CPNE9: variants seen among roughly 807,000 people sequenced by gnomAD.
CPNE9 encodes copine-9.
CPNE9 carries 59 observed loss-of-function variants against 83.0 expected under a neutral mutation model. That is an observed-to-expected ratio of 0.71 (90% CI 0.58 to 0.88). The LOEUF is 0.88. Among genes scored for constraint, CPNE9 ranks in the 40% least tolerant of loss-of-function variants. The pLI is 0.00. For missense variants in CPNE9, 619 were observed against 720.8 expected (o/e 0.86, Z 1.62); for synonymous variants, 256 against 273.4 (o/e 0.94, Z 0.63).
chr3:9,717,007 A>T, intron 14 of CPNE9, 51 bp from the exon 15 acceptor site: 3 of 1,572,442 alleles, frequency 1.9e-6, no homozygotes, highest in Non-Finnish European at 1.8e-6. Context: ...AGAAATAGTG[A>T]TGTAATAATC....
In CPNE9 at chr3:9,712,792, C is replaced by A; in HGVS notation, c.509C>A (p.Pro170His). Reference protein sequence around the residue: ...DKKDFFGKSDPFLVFYRSNED... With the variant: ...DKKDFFGKSDHFLVFYRSNED... ...AAGGACTTCTTTGGGAAATCAGACC[C>A]CTTCCTTGTGTTCTACAGGAGCAAT... Residue 170 changes from proline to histidine, a missense_variant, in exon 9 of 21, where the codon CCC (proline) becomes CAC (histidine). By Grantham distance (77) the Pro-to-His change is moderately conservative. Transcript: ENST00000383832. 1 of 1,614,162 alleles carries A rather than the reference C, an allele frequency of 6.2e-7. No homozygotes were observed. The highest frequency in any genetic ancestry group is 8.5e-7 in the Non-Finnish European group (1 of 1,180,038).
In CPNE9 at chr3:9,729,688, C is replaced by T. The variant is rs1189887209; in HGVS notation, c.1658C>T (p.Pro553Leu). The change falls in exon 21 of 21, where the codon CCC (proline) becomes CTC (leucine). Residue 553 changes from proline (P) to leucine (L), a missense_variant. Pro to Leu is a moderately conservative substitution (Grantham distance 98). This residue lies in a region of CPNE9 where 51 missense variants were observed against 40.4 expected (regional missense o/e 1.26). Coordinates refer to ENST00000383832, the MANE Select transcript of CPNE9 (RefSeq NM_153635.3). Reference protein sequence around the residue: ...NPSPIPAPEQP With the variant: ...NPSPIPAPEQL ...AGCCCGATCCCAGCTCCAGAGCAGC[C>T]CTGAGGATTCCACATATCCAATGCC... 6.2e-7 allele frequency: 1 copy of T among 1,611,574 alleles called. No individual in the cohort carries two copies. Among genetic ancestry groups the T allele is most frequent in the East Asian group, 2.2e-5 (1 of 44,822 alleles).
chr3:9,726,865 A>C, intron 19 of CPNE9, 143 bp downstream of exon 19: 1 of 815,614 alleles, frequency 1.2e-6, no homozygotes, highest in Non-Finnish European at 2.0e-6. Context: ...ACCTTCTCTG[A>C]ACCTGTTTCC....
chr3:9,708,426 A>G (rs545327417), intron 7 of CPNE9, among the ~76,000 whole-genome samples: 1 of 152,358 alleles, frequency 6.6e-6, no homozygotes, highest in South Asian at 2.1e-4. Flanking sequence ...GTAGGAGAAG[A>G]ACCAAGAGAG....
chr3:9,704,893 C>T lies in CPNE9; in HGVS notation c.159C>T (p.Phe53=). ...TGACCCTCCACCCCCCTACCCAGTT[C>T]GGACGGACCGAGGTGATTGATAACA... ...QSRASQEWRE[F]GRTEVIDNTL... Residue 53 remains phenylalanine (F), a splice_region_variant and synonymous_variant, in exon 4 of 21, where the codon TTC becomes TTT. Transcript: ENST00000383832. The surrounding 1 kb of genome is among the most constrained non-coding windows in gnomAD (Gnocchi z 7.1). 2 of 1,612,664 alleles carry T rather than the reference C, an allele frequency of 1.2e-6. No individual in the cohort carries two copies. The highest frequency in any genetic ancestry group is 4.5e-5 in the East Asian group (2 of 44,860).
At position 9,715,254 on chromosome 3, in the gene CPNE9, G is replaced by A. The variant is rs760079653; in HGVS notation, c.693-35G>A. 4.4e-6 allele frequency: 7 copies of A among 1,607,398 alleles called. No individual in the cohort carries two copies. The African/African-American group carries it at 6.7e-5, about 15-fold the overall frequency. On this transcript the variant is annotated intron_variant, in intron 11 of 20. Transcript: ENST00000383832. ...GTTCAGCTCTGGTTCCAAACCAGCA[G>A]CACCTGCTGCTTAGCCACGCCCACC...
intron 17 of CPNE9, among the ~76,000 whole-genome samples, chr3:9,720,394 A>G (rs2076724192): frequency 6.6e-6 from 1 of 151,832 alleles, no homozygotes; most frequent in Non-Finnish European, 1.5e-5. Flanking sequence ...TTTCCTTTTA[A>G]GTTCAGGGGT....
At chr3:9,726,794 G>A (rs1339393776) in intron 19 of CPNE9, 72 bp downstream of exon 19, 2 of 1,371,854 alleles carry the variant, frequency 1.5e-6, no homozygotes, top group Admixed American at 1.7e-5. Context: ...CGGGTACTTG[G>A]GCCTGCCTCA....
intron 18 of CPNE9, 48 bp from the exon 19 acceptor site, chr3:9,726,617 C>T: frequency 6.9e-7 from 1 of 1,453,832 alleles, no homozygotes; most frequent in Non-Finnish European, 9.7e-7. Context: ...CAGTCACCTC[C>T]CTAGTGATGC....
chr3:9,719,441 T>A (rs772317494), intron 17 of CPNE9, among the ~76,000 whole-genome samples: 2 of 152,146 alleles, frequency 1.3e-5, no homozygotes, highest in Non-Finnish European at 2.9e-5. Context: ...CGTTTTAGCA[T>A]CAGATCTGAG....
chr3:9,706,576 AG>A (rs2076566783), intron 7 of CPNE9, among the ~76,000 whole-genome samples: 1 of 152,248 alleles, frequency 6.6e-6, no homozygotes, highest in Non-Finnish European at 1.5e-5. Context: ...TCTTGTCCTC[AG>A]GGGGCTGATA....
chr3:9,709,904 C>T (rs1410984571), intron 7 of CPNE9, among the ~76,000 whole-genome samples: 2 of 149,756 alleles, frequency 1.3e-5, no homozygotes, highest in Non-Finnish European at 3.0e-5. Context: ...GCAGGAGAAT[C>T]ACTTGAACCC....
chr3:9,705,707 G>A lies in CPNE9; in HGVS notation c.298-11G>A. 6.2e-7 allele frequency: 1 copy of A among 1,614,028 alleles called. No individual in the cohort carries two copies. The highest frequency in any genetic ancestry group is 8.5e-7 in the Non-Finnish European group (1 of 1,179,926). ...CTCTTCCTTCTTGGCTGCCACTGCT[G>A]GGACCTGCAGAAGGTGAGGCTGAAT... On this transcript the variant is annotated splice_polypyrimidine_tract_variant and intron_variant, in intron 5 of 20. Transcript: ENST00000383832.
At chr3:9,714,656 A>C (rs1223663358) in intron 10 of CPNE9, among the ~76,000 whole-genome samples, 2 of 147,402 alleles carry the variant, frequency 1.4e-5, no homozygotes, top group African/African-American at 5.1e-5. Flanking sequence ...AAAAAAAAAA[A>C]AAAAAAAAAA....
At chr3:9,714,878 T>C (rs780691459) in intron 10 of CPNE9, 36 bp from the exon 11 acceptor site, 1 of 1,577,334 alleles carries the variant, frequency 6.3e-7, no homozygotes, top group Admixed American at 1.7e-5. Flanking sequence ...GGATTTATCA[T>C]ACACACCTAG....
intron 20 of CPNE9, among the ~76,000 whole-genome samples, chr3:9,727,939 A>C (rs2076798430): frequency 6.6e-6 from 1 of 152,160 alleles, no homozygotes; most frequent in African/African-American, 2.4e-5. Context: ...AAAGATATTT[A>C]AGAAGAAAAT....
chr3:9,709,764 T>C (rs541054914), intron 7 of CPNE9, among the ~76,000 whole-genome samples: 21 of 151,736 alleles, frequency 1.4e-4, no homozygotes, highest in South Asian at 1.0e-3. Context: ...TGGAGGCAGG[T>C]GTATCACCTG....
Position 9,703,872 on chromosome 3 carries a change from G to C in CPNE9, c.-125G>C, listed in dbSNP as rs1277175075. The C allele has an allele frequency of 7.0e-6, 5 of 713,880 alleles. No individual in the cohort carries two copies. Among genetic ancestry groups the C allele is most frequent in the Non-Finnish European group, 1.1e-5 (5 of 470,680 alleles). The allele number at this position is 713,880 out of a possible 1,614,324, so 44.2% of individuals were successfully genotyped here. A position where few individuals can be genotyped will look rare whatever the true frequency, so the allele number is the denominator to read the frequency against. On this transcript the variant is annotated 5_prime_UTR_variant, in exon 1 of 21. Coordinates refer to ENST00000383832, the MANE Select transcript of CPNE9 (RefSeq NM_153635.3). ...AGCGGCTGGAGCGCACGCAGGGCTG[G>C]AGCGAGTGCAGCCGCCGCCGCCGCC...
chr3:9,718,834 CTT>C (rs750687755), intron 17 of CPNE9, among the ~76,000 whole-genome samples: 12,243 of 117,290 alleles, frequency 0.1, 594 homozygotes, highest in African/African-American at 0.19. Flanking sequence ...GACCCCATCT[CTT>C]TTTTTTTTTT....
Sources: allele counts gnomAD v4.1 joint callset (sites outside exome capture counted in the v4.1 genomes callset), GRCh38; gene constraint gnomAD v4.1.1; regional missense constraint gnomAD v4.1.1; non-coding constraint Gnocchi (gnomAD v3.1); transcripts MANE v1.5; gene names NCBI Gene and HGNC (gene_info 2026-07-23, HGNC 2026-07-21).